SLC16A1: variants seen among roughly 807,000 people sequenced by gnomAD.
The protein encoded by SLC16A1 is monocarboxylate transporter 1.
A neutral mutation model predicts 32.2 loss-of-function variants in SLC16A1; 11 were observed. That is an observed-to-expected ratio of 0.34 (90% CI 0.21 to 0.56). SLC16A1 has a LOEUF of 0.56. SLC16A1 is among the 20% of genes least tolerant of loss of function. The pLI is 0.87. For synonymous variants in SLC16A1, 231 were observed against 226.8 expected (o/e 1.02, Z -0.17); for missense variants, 435 against 615.0 (o/e 0.71, Z 3.10).
chr1:112,923,918 T>C, intron 2 of SLC16A1: 1 of 1,520,434 alleles, frequency 6.6e-7, no homozygotes, highest in Non-Finnish European at 9.1e-7. Context: ...TCAGGCACTC[T>C]GGACTGAGGT....
intron 1 of SLC16A1, among the ~76,000 whole-genome samples, chr1:112,941,278 CTTTTTTTTTTTT>C: frequency 9.0e-6 from 1 of 111,558 alleles, no homozygotes; most frequent in East Asian, 2.4e-4. Context: ...CTCTTCACAC[CTTTTTTTTTTTT>C]TTTTTTTTGA....
Position 112,918,019 on chromosome 1 carries a change from A to G in SLC16A1, c.387T>C (p.Asn129=), listed in dbSNP as rs781459840. 6.3e-7 allele frequency: 1 copy of G among 1,584,160 alleles called. No individual in the cohort carries two copies. Among genetic ancestry groups the G allele is most frequent in the South Asian group, 1.2e-5 (1 of 83,212 alleles). ...IGGLGLAFNL[N]PALTMIGKYF... ...ACTTGCCAATCATGGTCAGAGCTGG[A>G]TTCAAGTTGAAGGCAAGCCCAAGAC... Residue 129 remains asparagine (N), a synonymous_variant, in exon 4 of 5, where the codon AAT becomes AAC. Transcript: ENST00000369626.
Position 112,917,600 on chromosome 1 carries a change from C to T in SLC16A1, c.806G>A (p.Gly269Glu). ...GAGTCCAAAAAACATGATCACATTTCCAGAGAGGTATAGCAAAAAGCCTCT... is the reference window on the plus strand; with the variant it reads ...GAGTCCAAAAAACATGATCACATTTTCAGAGAGGTATAGCAAAAAGCCTCT... ...THRGFLLYLS[G>E]NVIMFFGLFA... Residue 269 changes from glycine (G) to glutamate (E), a missense_variant, in exon 4 of 5, where the codon GGA becomes GAA. Gly to Glu is a moderately conservative substitution (Grantham distance 98, BLOSUM62 -2). Around this residue, in one of 2 missense-constraint regions of SLC16A1, gnomAD observed 324 missense variants for 500.3 expected, o/e 0.65. Transcript: ENST00000369626. This position sits in a 1 kb window ranked among gnomAD's most constrained non-coding sequence, Gnocchi z 4.1. 1 of 1,614,144 alleles carries T rather than the reference C, an allele frequency of 6.2e-7. No individual in the cohort carries two copies. Among genetic ancestry groups the T allele is most frequent in the East Asian group, 2.2e-5 (1 of 44,880 alleles).
chr1:112,936,255 C>A (rs2101640426), intron 1 of SLC16A1, among the ~76,000 whole-genome samples: 1 of 152,078 alleles, frequency 6.6e-6, no homozygotes, highest in South Asian at 2.1e-4. Flanking sequence ...TGCCTGTAAT[C>A]CAAACACTTT....
At position 112,914,165 on chromosome 1, in the gene SLC16A1, C is replaced by T. The variant is rs1648422700; in HGVS notation, c.1229G>A (p.Gly410Asp). 2 of 1,613,950 alleles carry T rather than the reference C, an allele frequency of 1.2e-6. No homozygotes were observed. Among genetic ancestry groups the T allele is most frequent in the Non-Finnish European group, 1.7e-6 (2 of 1,180,018 alleles). Residue 410 changes from glycine to aspartate, a missense_variant and splice_region_variant, in exon 5 of 5, where the codon GGT becomes GAT. Physicochemically the swap from Gly to Asp is moderately conservative, Grantham distance 94 (BLOSUM62 -1). Around this residue, in one of 2 missense-constraint regions of SLC16A1, gnomAD observed 111 missense variants for 114.7 expected, o/e 0.97. Transcript: ENST00000369626. Reference sequence around the variant, plus strand: ...GTCTCCATACATGTCATTGAGCCGACCTAAATATGTAAAACAACACAAACA... The same window carrying T: ...GTCTCCATACATGTCATTGAGCCGATCTAAATATGTAAAACAACACAAACA... ...CPVLLGPPLL[G>D]RLNDMYGDYK...
At chr1:112,921,151 A>G (rs1019758576) in intron 3 of SLC16A1, among the ~76,000 whole-genome samples, 1 of 152,048 alleles carries the variant, frequency 6.6e-6, no homozygotes, top group Non-Finnish European at 1.5e-5. Context: ...AAAAAAAAAA[A>G]AAAAAGAAAA....
intron 2 of SLC16A1, chr1:112,923,513 C>A: frequency 1.0e-6 from 1 of 995,320 alleles, no homozygotes; most frequent in Non-Finnish European, 1.6e-6. Flanking sequence ...CCAAGATAGA[C>A]ACGGCCTTCG....
intron 1 of SLC16A1, among the ~76,000 whole-genome samples, chr1:112,944,994 CTTTTTTTT>C (rs151186476): frequency 8.1e-6 from 1 of 123,306 alleles, no homozygotes; most frequent in African/African-American, 3.2e-5. Flanking sequence ...CACCCAGCCT[CTTTTTTTT>C]TTTTTTTTTT....
In SLC16A1 at chr1:112,917,470, G is replaced by A; in HGVS notation, c.936C>T (p.Ala312=). The A allele has an allele frequency of 1.2e-6, 2 of 1,614,132 alleles. No individual in the cohort carries two copies. The highest frequency in any genetic ancestry group is 1.7e-6 in the Non-Finnish European group (2 of 1,180,026). ...LSILAFVDMV[A]RPSMGLVANT... Reference sequence around the variant, plus strand: ...TGGCTACAAGTCCCATAGATGGTCGGGCTACCATGTCAACAAAAGCCAGAA... The same window carrying A: ...TGGCTACAAGTCCCATAGATGGTCGAGCTACCATGTCAACAAAAGCCAGAA... Residue 312 remains alanine (A), a synonymous_variant, in exon 4 of 5, where the codon GCC becomes GCT. Transcript: ENST00000369626. This position sits in a 1 kb window ranked among gnomAD's most constrained non-coding sequence, Gnocchi z 4.1.
chr1:112,922,544 C>T (rs1231226787), intron 2 of SLC16A1, among the ~76,000 whole-genome samples: 2 of 151,846 alleles, frequency 1.3e-5, no homozygotes, highest in Non-Finnish European at 2.9e-5. Flanking sequence ...GAGGCTGGGG[C>T]AGGTGGATCA....
chr1:112,917,265 G>A lies in SLC16A1; in HGVS notation c.1141C>T (p.Leu381Phe), dbSNP rs1648546262. The change falls in exon 4 of 5, where the codon CTT (leucine) becomes TTT (phenylalanine). Residue 381 changes from leucine to phenylalanine, a missense_variant. This residue lies in a region of SLC16A1 where 324 missense variants were observed against 500.3 expected (regional missense o/e 0.65). Coordinates refer to ENST00000369626, the MANE Select transcript of SLC16A1 (RefSeq NM_003051.4). The surrounding 1 kb of genome is among the most constrained non-coding windows in gnomAD (Gnocchi z 4.1). ...CTGGAGAACCTCTGGGGTCCAACAA[G>A]GTCCATCAATGTTTCAAACAATACG... ...SSVLFETLMDLVGPQRFSSAV... is the reference protein window; with the variant it reads ...SSVLFETLMDFVGPQRFSSAV... The A allele has an allele frequency of 1.2e-6, 2 of 1,614,144 alleles. No homozygotes were observed. The highest frequency in any genetic ancestry group is 1.7e-6 in the Non-Finnish European group (2 of 1,180,024).
In SLC16A1 at chr1:112,916,884, G is replaced by A. The variant is rs1378304008; in HGVS notation, c.1228+294C>T. ...GCGGAGGTTGCAGTGAGCTGAGATG[G>A]TGCCACTGCACTCCAGCCTGGGCAA... On this transcript the variant is annotated intron_variant, in intron 4 of 4. Transcript: ENST00000369626. Among the ~76,000 whole-genome samples, 5 of 152,000 alleles carry A rather than the reference G, an allele frequency of 3.3e-5. No individual in the cohort carries two copies. The East Asian group carries it at 9.6e-4, about 29-fold the overall frequency.
intron 1 of SLC16A1, among the ~76,000 whole-genome samples, chr1:112,951,660 T>C (rs1176105187): frequency 1.3e-5 from 2 of 152,316 alleles, no homozygotes; most frequent in East Asian, 1.9e-4. Context: ...ACGCCATAAA[T>C]TTAAGGACAA....
At chr1:112,918,817 G>A (rs1041761921) in intron 3 of SLC16A1, among the ~76,000 whole-genome samples, 6 of 151,894 alleles carry the variant, frequency 4.0e-5, no homozygotes, top group African/African-American at 7.3e-5. Flanking sequence ...ACCCAAAAAC[G>A]AAAGAAATAA....
chr1:112,948,567 G>A (rs1649781842), intron 1 of SLC16A1, among the ~76,000 whole-genome samples: 3 of 151,406 alleles, frequency 2.0e-5, no homozygotes, highest in Non-Finnish European at 2.9e-5. Flanking sequence ...GCAATGGTGC[G>A]ATCTGGGCTC....
At chr1:112,927,819 C>A (rs921433688) in intron 2 of SLC16A1, among the ~76,000 whole-genome samples, 56 of 152,146 alleles carry the variant, frequency 3.7e-4, no homozygotes, top group African/African-American at 1.4e-3. Context: ...GTGGCTTTCT[C>A]GCTCTTTGGT....
intron 1 of SLC16A1, among the ~76,000 whole-genome samples, chr1:112,941,322 C>T (rs1310102399): frequency 6.7e-6 from 1 of 148,974 alleles, no homozygotes; most frequent in Non-Finnish European, 1.5e-5. Flanking sequence ...GCTCTTGCTG[C>T]CCAGGCTGGA....
rs771773316 is a variant in SLC16A1 at position 112,929,231 on chromosome 1, A to T, written c.78T>A (p.Ala26=). The T allele has an allele frequency of 1.7e-5, 27 of 1,614,040 alleles. No individual in the cohort carries two copies. In the East Asian group the frequency reaches 5.1e-4, roughly 31 times the overall value. Residue 26 remains alanine, a synonymous_variant, in exon 2 of 5, where the codon GCT becomes GCA. Transcript: ENST00000369626. ...CATAAGAGAAGCCGATGGAAATGAA[A>T]GCTCCAATTACCACTGCCCAGCCCC... ...GGWGWAVVIG[A]FISIGFSYAF... is the part of the protein sequence containing the mutation.
In SLC16A1 at chr1:112,913,995, T is replaced by C; in HGVS notation, c.1399A>G (p.Ser467Gly). The C allele has an allele frequency of 1.2e-6, 2 of 1,614,206 alleles. No individual in the cohort carries two copies. Among genetic ancestry groups the C allele is most frequent in the Non-Finnish European group, 1.7e-6 (2 of 1,180,024 alleles). Reference sequence around the variant, plus strand: ...TTTGGCTTCCCAGCAACATCTATACTGGTCTCTTCCTCTTTACTTTCCTTT... The same window carrying C: ...TTTGGCTTCCCAGCAACATCTATACCGGTCTCTTCCTCTTTACTTTCCTTT... ...QKKESKEEET[S>G]IDVAGKPNEV... The change falls in exon 5 of 5, where the codon AGT (serine) becomes GGT (glycine). Residue 467 changes from serine to glycine, a missense_variant. By Grantham distance (56) the Ser-to-Gly change is moderately conservative. Transcript: ENST00000369626.
Sources: gnomAD v4.1 joint callset for allele counts (sites outside exome capture counted in the v4.1 genomes callset) on GRCh38, gnomAD v4.1.1 for gene constraint, gnomAD v4.1.1 regional missense constraint, Gnocchi (gnomAD v3.1) non-coding constraint, MANE v1.5 for transcripts, NCBI Gene and HGNC (gene_info 2026-07-23, HGNC 2026-07-21) for gene names.